Variants in MITF observed in about 807,000 individuals in gnomAD.
MITF encodes the protein melanocyte inducing transcription factor.
MITF carries 17 observed loss-of-function variants against 60.5 expected under a neutral mutation model. The observed-to-expected ratio is 0.28, with a 90% CI of 0.19 to 0.42. The LOEUF (loss-of-function observed/expected upper bound fraction) is 0.42. Ranked by LOEUF, MITF falls within the 10% of genes least tolerant of loss-of-function variation. The pLI, the probability that MITF is intolerant of heterozygous loss-of-function variation, is 1.00. For missense variants in MITF, 622 were observed against 683.5 expected, an observed-to-expected ratio of 0.91 and a Z score of 1.00; for synonymous variants, 260 against 248.5, an observed-to-expected ratio of 1.05 and a Z score of -0.43.
At chr3:69,762,675 T>C (rs997759769) in intron 1 of MITF, 1 of 217,684 alleles carries the variant, frequency 4.6e-6, no homozygotes. Flanking sequence ...TGGTCAGCAT[T>C]AGTCATTGTG....
intron 1 of MITF, chr3:69,752,368 A>G (rs1328216335): frequency 2.0e-5 from 3 of 152,210 alleles, no homozygotes; most frequent in Admixed American, 2.0e-4. Flanking sequence ...GACTGATTAA[A>G]TGGTTGTGAA....
At chr3:69,790,854 A>G (rs1466305486) in intron 1 of MITF, among the ~76,000 whole-genome samples, 1 of 152,198 alleles carries the variant, frequency 6.6e-6, no homozygotes, top group Non-Finnish European at 1.5e-5. Context: ...TTTCTTATAC[A>G]AGACCCAAGT....
At chr3:69,769,690 A>C (rs1575686832) in intron 1 of MITF, 1 of 152,230 alleles carries the variant, frequency 6.6e-6, no homozygotes, top group East Asian at 1.9e-4. Flanking sequence ...AGCAAAGTGC[A>C]CTACAGCCCG....
intron 1 of MITF, among the ~76,000 whole-genome samples, chr3:69,756,070 G>A (rs562058302): frequency 3.9e-5 from 6 of 151,910 alleles, no homozygotes; most frequent in South Asian, 2.1e-4. Context: ...GTTCTCTATC[G>A]CTGAAAAAAC....
At chr3:69,864,449 G>A (rs558466991) in intron 1 of MITF, among the ~76,000 whole-genome samples, 2 of 152,228 alleles carry the variant, frequency 1.3e-5, no homozygotes, top group East Asian at 3.9e-4. Flanking sequence ...GTATTTATTG[G>A]TCCTTAGTTT....
intron 1 of MITF, among the ~76,000 whole-genome samples, chr3:69,860,254 A>C (rs1305881076): frequency 6.6e-6 from 1 of 152,218 alleles, no homozygotes; most frequent in East Asian, 1.9e-4. Context: ...CGTGGTATTG[A>C]TTATTATATT....
chr3:69,848,269 C>A (rs572733031), intron 1 of MITF, among the ~76,000 whole-genome samples: 31 of 152,292 alleles, frequency 2.0e-4, no homozygotes, highest in Middle Eastern at 6.8e-3. Flanking sequence ...AAGCAGATAT[C>A]CTGGCCAGCG....
At chr3:69,940,058 T>C (rs2065933900) in intron 4 of MITF, among the ~76,000 whole-genome samples, 1 of 152,210 alleles carries the variant, frequency 6.6e-6, no homozygotes, top group African/African-American at 2.4e-5. Context: ...GACTCCTTTT[T>C]TGAGTGTTTA....
intron 1 of MITF, among the ~76,000 whole-genome samples, chr3:69,855,205 G>C (rs1178014166): frequency 6.7e-6 from 1 of 149,556 alleles, no homozygotes; most frequent in Non-Finnish European, 1.5e-5. Flanking sequence ...TAAGTCCAAG[G>C]GAGATGATCA....
intron 1 of MITF, among the ~76,000 whole-genome samples, chr3:69,806,340 C>A (rs547800718): frequency 6.6e-6 from 1 of 152,118 alleles, no homozygotes; most frequent in Non-Finnish European, 1.5e-5. Flanking sequence ...CCTGCCTTGG[C>A]CTCCCAAAGT....
intron 1 of MITF, among the ~76,000 whole-genome samples, chr3:69,751,285 G>A (rs1703924779): frequency 6.6e-6 from 1 of 152,118 alleles, no homozygotes; most frequent in African/African-American, 2.4e-5. Context: ...GTAGAGTGTG[G>A]GAGCTTCCAA....
intron 1 of MITF, among the ~76,000 whole-genome samples, chr3:69,754,568 G>T (rs1704057928): frequency 6.6e-6 from 1 of 151,808 alleles, no homozygotes; most frequent in Non-Finnish European, 1.5e-5. Flanking sequence ...AAGCTGAAAA[G>T]ATGTCAGCAT....
intron 2 of MITF, among the ~76,000 whole-genome samples, chr3:69,936,389 T>A (rs893650835): frequency 1.3e-5 from 2 of 152,176 alleles, no homozygotes; most frequent in African/African-American, 2.4e-5. Flanking sequence ...TGAGTTTGAC[T>A]TTGATAGCTC....
intron 2 of MITF, among the ~76,000 whole-genome samples, chr3:69,895,808 TTGTGTGTGTGTGTGTG>T (rs35088149): frequency 1.2e-4 from 17 of 140,144 alleles, no homozygotes; most frequent in East Asian, 2.1e-4. Context: ...TGTGGAGTGT[TTGTGTGTGTGTGTGTG>T]TGTGTGTGTG....
intron 1 of MITF, among the ~76,000 whole-genome samples, chr3:69,836,460 C>T (rs989187794): frequency 2.6e-5 from 4 of 152,192 alleles, no homozygotes; most frequent in African/African-American, 9.6e-5. Context: ...TTAAATGCTA[C>T]ATCCAGCAAC....
intron 1 of MITF, among the ~76,000 whole-genome samples, chr3:69,861,917 G>A (rs891790850): frequency 9.2e-5 from 14 of 151,928 alleles, no homozygotes; most frequent in African/African-American, 3.4e-4. Context: ...GGCTTTCATT[G>A]AACATTCCAC....
At chr3:69,938,119 C>T in intron 3 of MITF, 70 bp downstream of exon 3, 1 of 1,492,282 alleles carries the variant, frequency 6.7e-7, no homozygotes, top group South Asian at 1.2e-5. Flanking sequence ...ATGATTCCCA[C>T]ACTTAACTGT....
Position 69,938,296 on chromosome 3 carries a change from T to G in MITF, c.582+247T>G, listed in dbSNP as rs566700185. The G allele has an allele frequency of 2.2e-5, 32 of 1,473,106 alleles. 1 individual carries two copies. The highest frequency in any genetic ancestry group is 2.6e-5 in the Non-Finnish European group (28 of 1,073,694). The allele number at this position is 1,473,106 out of a possible 1,614,324, so 91.3% of individuals were successfully genotyped here. A position where few individuals can be genotyped will look rare whatever the true frequency, so the allele number is the denominator to read the frequency against. The stretch of plus-strand genomic sequence containing the variant: ...TGAAATGTGGAGGCGAGGACACTTT[T>G]GCCACTTGCTTCTTCTTCCTTAGCT... On this transcript the variant is annotated intron_variant, in intron 3 of 9. Transcript: ENST00000352241.
chr3:69,776,985 T>TA (rs2062484017), intron 1 of MITF, among the ~76,000 whole-genome samples: 1 of 152,214 alleles, frequency 6.6e-6, no homozygotes, highest in African/African-American at 2.4e-5. Flanking sequence ...AGAGTAATGT[T>TA]ACTGTTGGTG....
Sources: gnomAD v4.1 joint callset for allele counts (sites outside exome capture counted in the v4.1 genomes callset) on GRCh38, gnomAD v4.1.1 for gene constraint, MANE v1.5 for transcripts, NCBI Gene and HGNC (gene_info 2026-07-23, HGNC 2026-07-21) for gene names.